Variants in PDE6C observed in about 807,000 individuals in gnomAD.
PDE6C encodes the protein phosphodiesterase 6C, also known as cone cGMP-specific 3',5'-cyclic phosphodiesterase subunit alpha'.
Under a neutral mutation model 113.1 loss-of-function variants are expected in PDE6C, and 75 were observed. That is an observed-to-expected ratio of 0.66 (90% confidence interval 0.55 to 0.80). The LOEUF (loss-of-function observed/expected upper bound fraction) is 0.80, where lower values mean the gene tolerates loss of function less well. Ranked by LOEUF, PDE6C falls within the 30% of genes least tolerant of loss-of-function variation. PDE6C has a pLI of 0.00. For synonymous variants in PDE6C, 375 were observed against 363.7 expected, an observed-to-expected ratio of 1.03 and a Z score of -0.35; for missense variants, 912 against 1,038.6, an observed-to-expected ratio of 0.88 and a Z score of 1.67.
chr10:93,626,557 A>G, intron 5 of PDE6C, 83 bp from the exon 6 acceptor site: 1 of 767,288 alleles, frequency 1.3e-6, no homozygotes, highest in East Asian at 2.7e-5. Context: ...TATTTGTAAG[A>G]GTTTTAAAGT....
At chr10:93,630,282 G>A (rs1186601412) in intron 8 of PDE6C, among the ~76,000 whole-genome samples, 2 of 151,790 alleles carry the variant, frequency 1.3e-5, no homozygotes, top group Non-Finnish European at 2.9e-5. Context: ...TCCCCATCAG[G>A]GCTTCCTGCT....
rs574758452 is a variant in PDE6C at position 93,646,331 on chromosome 10, C to A, written c.1935+284C>A. On this transcript the variant is annotated intron_variant, in intron 15 of 21. Coordinates refer to ENST00000371447, the MANE Select transcript of PDE6C (RefSeq NM_006204.4). Reference sequence around the variant, plus strand: ...TGGATGCAAAAGGGCTCCGTGCACCCCAAGCATATGTAAATGTAAAGAGGA... The same window carrying A: ...TGGATGCAAAAGGGCTCCGTGCACCACAAGCATATGTAAATGTAAAGAGGA... 5.5e-4 allele frequency among the ~76,000 whole-genome samples: 84 copies of A among 151,940 alleles called. 1 individual carries two copies. Among genetic ancestry groups the A allele is most frequent in the Admixed American group, 3.6e-3 (55 of 15,262 alleles).
At chr10:93,657,328 A>ATTTTTT (rs71031526) in intron 16 of PDE6C, among the ~76,000 whole-genome samples, 13 of 88,286 alleles carry the variant, frequency 1.5e-4, no homozygotes, top group Admixed American at 1.6e-4. Context: ...CGCCTGGCTA[A>ATTTTTT]TTTTTTTTTT....
intron 16 of PDE6C, among the ~76,000 whole-genome samples, chr10:93,658,609 C>A (rs760730906): frequency 2.0e-5 from 3 of 151,988 alleles, no homozygotes; most frequent in Admixed American, 6.6e-5. Flanking sequence ...CTGCACCCGG[C>A]CTTATATGTA....
Position 93,663,184 on chromosome 10 carries a change from A to AT in PDE6C, c.2518+7dup. Reference sequence around the variant, plus strand: ...AGAAGGAGGAGCCGAAAAAGGTTAGATGGGCTCTGTTTTTGCTCCCTGTAA... The same window carrying AT: ...AGAAGGAGGAGCCGAAAAAGGTTAGATTGGGCTCTGTTTTTGCTCCCTGTAA... On this transcript the variant is annotated splice_region_variant and intron_variant, in intron 21 of 21. Transcript: ENST00000371447. The AT allele has an allele frequency of 6.2e-7, 1 of 1,612,820 alleles. No individual in the cohort carries two copies. Among genetic ancestry groups the AT allele is most frequent in the Non-Finnish European group, 8.5e-7 (1 of 1,179,408 alleles).
At chr10:93,649,870 G>T (rs1032277684) in intron 15 of PDE6C, among the ~76,000 whole-genome samples, 1 of 152,162 alleles carries the variant, frequency 6.6e-6, no homozygotes, top group Non-Finnish European at 1.5e-5. Context: ...CTCCCAAAGT[G>T]CTGGGATTAC....
intron 16 of PDE6C, 70 bp downstream of exon 16, chr10:93,655,930 T>G: frequency 1.2e-6 from 1 of 836,850 alleles, no homozygotes; most frequent in South Asian, 1.3e-5. Context: ...AAATTATCTG[T>G]TGCATTAATG....
intron 15 of PDE6C, among the ~76,000 whole-genome samples, chr10:93,646,754 A>G (rs2134618151): frequency 6.6e-6 from 1 of 152,338 alleles, no homozygotes; most frequent in Non-Finnish European, 1.5e-5. Context: ...TAAACCATTC[A>G]TAAGAAACAC....
At chr10:93,661,709 G>A (rs906196279) in intron 18 of PDE6C, among the ~76,000 whole-genome samples, 8 of 152,156 alleles carry the variant, frequency 5.3e-5, no homozygotes, top group Non-Finnish European at 1.0e-4. Context: ...ACATATGCTA[G>A]ATGCTAACAG....
chr10:93,637,506 T>C (rs2058539339), intron 11 of PDE6C, among the ~76,000 whole-genome samples: 1 of 152,228 alleles, frequency 6.6e-6, no homozygotes, highest in Admixed American at 6.5e-5. Context: ...TTGTTGCCAG[T>C]AGGCCATCCC....
chr10:93,659,233 C>T, intron 18 of PDE6C, 66 bp downstream of exon 18: 1 of 1,096,572 alleles, frequency 9.1e-7, no homozygotes, highest in Non-Finnish European at 1.4e-6. Flanking sequence ...ATGTAAATGT[C>T]CACCTAAAGA....
Position 93,665,388 on chromosome 10 carries a change from CA to C in PDE6C, c.2552del (p.Lys851SerfsTer6). On this transcript the variant is annotated frameshift_variant, in exon 22 of 22. Transcript: ENST00000371447. LOFTEE classifies it high-confidence loss of function. ...CTGAAGATTCAGGAGGTGGTGATGA[CA>C]AAAAGTCCAAAACATGTTTAATGTT... ...AAEDSGGGDD[K>X]KSKTCLML The C allele has an allele frequency of 6.2e-7, 1 of 1,608,976 alleles. No homozygotes were observed. Among genetic ancestry groups the C allele is most frequent in the Non-Finnish European group, 8.5e-7 (1 of 1,175,512 alleles).
chr10:93,615,620 G>A (rs1410286099), intron 1 of PDE6C, among the ~76,000 whole-genome samples: 1 of 152,184 alleles, frequency 6.6e-6, no homozygotes, highest in African/African-American at 2.4e-5. Flanking sequence ...GACCTCAGGT[G>A]ATCCACCTGT....
rs551527807 is a variant in PDE6C at position 93,626,580 on chromosome 10, A to G, written c.940-60A>G. ...AGAGTTTTAAAGTACAAGTTCCCCAATGAAAAATGATTTCTTTGGGAAATA... is the reference window on the plus strand; with the variant it reads ...AGAGTTTTAAAGTACAAGTTCCCCAGTGAAAAATGATTTCTTTGGGAAATA... On this transcript the variant is annotated intron_variant, in intron 5 of 21. Coordinates refer to ENST00000371447, the MANE Select transcript of PDE6C (RefSeq NM_006204.4). 8.8e-5 allele frequency: 85 copies of G among 965,664 alleles called. 1 individual carries two copies. In the Middle Eastern group the frequency reaches 2.2e-3, roughly 25 times the overall value. 59.8% of individuals were successfully genotyped at this position (965,664 alleles called of 1,614,324 possible).
chr10:93,663,903 G>A (rs2058678119), intron 21 of PDE6C, among the ~76,000 whole-genome samples: 1 of 152,176 alleles, frequency 6.6e-6, no homozygotes, highest in South Asian at 2.1e-4. Context: ...GGTTTTGTAA[G>A]CAATTGTTAT....
chr10:93,644,851 TATAGTGTATATATATAGTACATATAC>T, intron 14 of PDE6C, among the ~76,000 whole-genome samples: 1 of 141,176 alleles, frequency 7.1e-6, no homozygotes, highest in Non-Finnish European at 1.5e-5. Context: ...AGTACATATA[TATAGTGTATATATATAGTACATATAC>T]AGTATATTTA....
intron 15 of PDE6C, among the ~76,000 whole-genome samples, chr10:93,652,019 ATG>A (rs371473946): frequency 2.0e-5 from 3 of 151,452 alleles, no homozygotes; most frequent in East Asian, 1.9e-4. Context: ...GTGTGTGTGC[ATG>A]TGTGTGTGTG....
chr10:93,635,744 C>G, intron 10 of PDE6C, 104 bp downstream of exon 10: 6 of 1,220,800 alleles, frequency 4.9e-6, no homozygotes, highest in Non-Finnish European at 7.2e-6. Flanking sequence ...TGGTTTACTC[C>G]TGGGCTGAGA....
chr10:93,615,402 G>T (rs563263020), intron 1 of PDE6C, among the ~76,000 whole-genome samples: 1 of 152,262 alleles, frequency 6.6e-6, no homozygotes, highest in East Asian at 1.9e-4. Flanking sequence ...ATTTATTTTT[G>T]AGACAGTCTT....
Sources: gnomAD v4.1 joint callset for allele counts (sites outside exome capture counted in the v4.1 genomes callset) on GRCh38, gnomAD v4.1.1 for gene constraint, MANE v1.5 for transcripts, NCBI Gene and HGNC (gene_info 2026-07-23, HGNC 2026-07-21) for gene names.